The following OTOR variants were observed in gnomAD, a reference collection of about 807,000 sequenced individuals.
OTOR encodes fibrocyte-derived protein.
OTOR carries 20 observed loss-of-function variants against 15.9 expected under a neutral mutation model. The ratio of observed to expected loss-of-function variants is 1.26; its 90% confidence interval spans 0.89 to 1.83. The LOEUF is 1.83. Ranked by LOEUF, OTOR falls within the 40% of genes most tolerant of loss-of-function variation. The pLI, the probability that OTOR is intolerant of heterozygous loss-of-function variation, is 0.00. For synonymous variants in OTOR, 53 were observed against 54.2 expected (o/e 0.98, Z 0.09); for missense variants, 184 against 159.0 (o/e 1.16, Z -0.85).
intron 1 of OTOR, 49 bp from the exon 2 acceptor site, chr20:16,748,818 T>C (rs774501427): frequency 1.4e-5 from 20 of 1,446,396 alleles, no homozygotes; most frequent in Admixed American, 2.4e-5. Context: ...TTTACTGTTA[T>C]AAAATTCAGG....
intron 1 of OTOR, 109 bp from the exon 2 acceptor site, chr20:16,748,758 G>C: frequency 1.2e-6 from 1 of 856,204 alleles, no homozygotes; most frequent in Non-Finnish European, 1.7e-6. Context: ...GCTATGAACT[G>C]GGAATTATCA....
At chr20:16,750,304 T>A (rs2072521430) in intron 3 of OTOR, among the ~76,000 whole-genome samples, 2 of 152,188 alleles carry the variant, frequency 1.3e-5, no homozygotes, top group African/African-American at 4.8e-5. Flanking sequence ...CAAATAAAAA[T>A]TGCATACATT....
rs777958955 is a variant in OTOR, at chr20:16,749,032, C to T, written c.255+26C>T. On this transcript the variant is annotated intron_variant, in intron 2 of 3. Transcript: ENST00000246081. ...GTAAGATAATTTAAACACCTATTGA[C>T]GAATATTGCTCTTAACCTTTCCTTG... 4.0e-5 allele frequency: 62 copies of T among 1,541,316 alleles called. 1 individual carries two copies. Among genetic ancestry groups the T allele is most frequent in the Admixed American group, 7.7e-5 (4 of 52,236 alleles).
chr20:16,748,544 TC>T (rs2072507337), intron 1 of OTOR, 28 bp downstream of exon 1: 5 of 1,277,900 alleles, frequency 3.9e-6, no homozygotes, highest in Non-Finnish European at 5.7e-6. Flanking sequence ...CTTTTCATTA[TC>T]TTTCTATTAC....
Position 16,751,351 on chromosome 20 carries a change from C to T in OTOR, c.*233C>T. 2 of 495,832 alleles carry T rather than the reference C, an allele frequency of 4.0e-6. No homozygotes were observed. The highest frequency in any genetic ancestry group is 4.7e-4 in the Middle Eastern group (1 of 2,126). 30.7% of individuals were successfully genotyped at this position (495,832 alleles called of 1,614,324 possible). A position where few individuals can be genotyped will look rare whatever the true frequency, so the allele number is the denominator to read the frequency against. ...AGCTAGAGCGGGGAAATGTTGAGCT[C>T]AAATGGGTAAATTGAGACCAGAAAA... is the stretch of plus-strand genomic sequence containing the variant. On this transcript the variant is annotated 3_prime_UTR_variant, in exon 4 of 4. Coordinates refer to ENST00000246081, the MANE Select transcript of OTOR (RefSeq NM_020157.4).
At position 16,751,369 on chromosome 20, in the gene OTOR, C is replaced by A; in HGVS notation, c.*251C>A. 1 of 444,046 alleles carries A rather than the reference C, an allele frequency of 2.3e-6. No homozygotes were observed. The allele number at this position is 444,046 out of a possible 1,614,324, so 27.5% of individuals were successfully genotyped here. On this transcript the variant is annotated 3_prime_UTR_variant, in exon 4 of 4. Coordinates refer to ENST00000246081, the MANE Select transcript of OTOR (RefSeq NM_020157.4). The stretch of plus-strand genomic sequence containing the variant: ...TTGAGCTCAAATGGGTAAATTGAGA[C>A]CAGAAAATTATTTTTTCAACCTAGA...
At chr20:16,749,863 C>A in intron 2 of OTOR, 40 bp from the exon 3 acceptor site, 4 of 1,342,706 alleles carry the variant, frequency 3.0e-6, no homozygotes, top group Non-Finnish European at 4.3e-6. Flanking sequence ...AGACACTCAG[C>A]ATCAGCTTTT....
At chr20:16,750,867 T>C (rs527249294) in intron 3 of OTOR, among the ~76,000 whole-genome samples, 29 of 152,366 alleles carry the variant, frequency 1.9e-4, no homozygotes, top group Admixed American at 1.8e-3. Context: ...CTTAGCATTA[T>C]GCTGAAATCT....
rs1600230239 is a variant in OTOR, at chr20:16,748,663, GTATCTTAC to G, written c.115+150_115+157del. On this transcript the variant is annotated intron_variant, in intron 1 of 3. Coordinates refer to ENST00000246081, the MANE Select transcript of OTOR (RefSeq NM_020157.4). ...TTGTTTCTTCTGGTCTGCATGTTTG[GTATCTTAC>G]TACGGAGAATTCACTTGGCTGAGTT... 5.8e-6 allele frequency: 4 copies of G among 695,354 alleles called. No individual in the cohort carries two copies. The East Asian group carries it at 1.1e-4, about 19-fold the overall frequency. 43.1% of individuals were successfully genotyped at this position (695,354 alleles called of 1,614,324 possible). A position where few individuals can be genotyped will look rare whatever the true frequency, so the allele number is the denominator to read the frequency against.
chr20:16,751,026 A>C, intron 3 of OTOR, 69 bp from the exon 4 acceptor site: 1 of 1,184,682 alleles, frequency 8.4e-7, no homozygotes. Flanking sequence ...CTTTAAATAC[A>C]GAATCTACAT....
intron 2 of OTOR, chr20:16,749,222 TA>T: frequency 7.9e-6 from 3 of 379,130 alleles, no homozygotes; most frequent in East Asian, 4.1e-5. Context: ...GATATTTTGG[TA>T]AAAAAAGAGT....
rs1055071985 is a variant in OTOR at position 16,749,887 on chromosome 20, T to G, written c.256-16T>G. The G allele has an allele frequency of 6.4e-7, 1 of 1,560,954 alleles. No individual in the cohort carries two copies. Among genetic ancestry groups the G allele is most frequent in the African/African-American group, 1.4e-5 (1 of 73,892 alleles). On this transcript the variant is annotated splice_polypyrimidine_tract_variant and intron_variant, in intron 2 of 3. Coordinates refer to ENST00000246081, the MANE Select transcript of OTOR (RefSeq NM_020157.4). ...GCATCAGCTTTTTCCTGATTGCTAT[T>G]CTTCTGGGCACTTAGGTTTATGGTG...
In OTOR at chr20:16,751,057, A is replaced by T. The variant is rs201139292; in HGVS notation, c.364-38A>T. The T allele has an allele frequency of 2.1e-4, 310 of 1,480,674 alleles. No homozygotes were observed. The African/African-American group carries it at 3.4e-3, about 16-fold the overall frequency. The allele number at this position is 1,480,674 out of a possible 1,614,324, so 91.7% of individuals were successfully genotyped here. ...TACATCTGTTTTTTTAGCCTAGGCT[A>T]TTTCGTTCAATCTTTTTTTGTTTTT... On this transcript the variant is annotated intron_variant, in intron 3 of 3. Transcript: ENST00000246081.
At chr20:16,751,039 G>GT in intron 3 of OTOR, 56 bp from the exon 4 acceptor site, 5 of 1,364,448 alleles carry the variant, frequency 3.7e-6, no homozygotes, top group Non-Finnish European at 5.0e-6. Context: ...ATCTACATCT[G>GT]TTTTTTTAGC....
intron 3 of OTOR, among the ~76,000 whole-genome samples, chr20:16,750,283 G>T (rs2072521349): frequency 6.6e-6 from 1 of 151,872 alleles, no homozygotes; most frequent in South Asian, 2.1e-4. Flanking sequence ...GCTTTATTGG[G>T]TTATAATTGA....
intron 2 of OTOR, 125 bp from the exon 3 acceptor site, chr20:16,749,778 C>A (rs2122520767): frequency 1.5e-6 from 1 of 665,648 alleles, no homozygotes; most frequent in South Asian, 1.9e-5. Flanking sequence ...GCCCCCTGGA[C>A]CCCGGAGTGA....
In OTOR at chr20:16,748,926, A is replaced by G. The variant is rs59353750; in HGVS notation, c.175A>G (p.Asn59Asp). ...TAATGCCCCGGACTGTAGATTCATT[A>G]ACGTTAAAAAAGGGCAGCAGATCTA... Reference protein sequence around the residue: ...DYNAPDCRFINVKKGQQIYVY... With the variant: ...DYNAPDCRFIDVKKGQQIYVY... The change falls in exon 2 of 4, where the codon AAC becomes GAC. Residue 59 changes from asparagine to aspartate, a missense_variant. Physicochemically the swap from Asn to Asp is conservative, Grantham distance 23 (BLOSUM62 1). Coordinates refer to ENST00000246081, the MANE Select transcript of OTOR (RefSeq NM_020157.4). 6.2e-6 allele frequency: 10 copies of G among 1,611,930 alleles called. No homozygotes were observed. In the East Asian group the frequency reaches 1.1e-4, roughly 18 times the overall value.
In OTOR at chr20:16,751,774, C is replaced by T. The variant is rs1464575114; in HGVS notation, c.*656C>T. The T allele has an allele frequency of 1.3e-5, 2 of 151,966 alleles. No homozygotes were observed. The highest frequency in any genetic ancestry group is 4.8e-5 in the African/African-American group (2 of 41,374). The allele number at this position is 151,966 out of a possible 1,614,324, so 9.4% of individuals were successfully genotyped here. A position where few individuals can be genotyped will look rare whatever the true frequency, so the allele number is the denominator to read the frequency against. ...CTAAATGATCAATTTACTTCTCCCC[C>T]AATTTTAAAGAAGTATGTGTATATT... On this transcript the variant is annotated 3_prime_UTR_variant, in exon 4 of 4. Coordinates refer to ENST00000246081, the MANE Select transcript of OTOR (RefSeq NM_020157.4).
rs2072529166 is a variant in OTOR, at chr20:16,751,523, A to G, written c.*405A>G. On this transcript the variant is annotated 3_prime_UTR_variant, in exon 4 of 4. Transcript: ENST00000246081. ...TGGGTCGTATGTCTTCCCTTTAGAC[A>G]TGATGTTTTCTACTCATTTGTCTCT... is the stretch of plus-strand genomic sequence containing the variant. 1 of 162,620 alleles carries G rather than the reference A, an allele frequency of 6.1e-6. No homozygotes were observed. Among genetic ancestry groups the G allele is most frequent in the Admixed American group, 6.4e-5 (1 of 15,632 alleles). 10.1% of individuals were successfully genotyped at this position (162,620 alleles called of 1,614,324 possible). A position where few individuals can be genotyped will look rare whatever the true frequency, so the allele number is the denominator to read the frequency against.
Sources: allele counts gnomAD v4.1 joint callset (sites outside exome capture counted in the v4.1 genomes callset), GRCh38; gene constraint gnomAD v4.1.1; transcripts MANE v1.5; gene names NCBI Gene and HGNC (gene_info 2026-07-23, HGNC 2026-07-21).